SEPTIN4: variants seen among roughly 807,000 people sequenced by gnomAD.
The protein encoded by SEPTIN4 is septin 4.
In SEPTIN4, 52 loss-of-function variants were observed where a neutral mutation model predicts 107.1. The ratio of observed to expected loss-of-function variants is 0.49; its 90% confidence interval spans 0.39 to 0.61. The LOEUF (loss-of-function observed/expected upper bound fraction) is 0.61, where lower values mean the gene tolerates loss of function less well. Among genes scored for constraint, SEPTIN4 ranks in the 20% least tolerant of loss-of-function variants. The pLI, the probability that SEPTIN4 is intolerant of heterozygous loss-of-function variation, is 0.00. For missense variants in SEPTIN4, 1,048 were observed against 1,243.5 expected (o/e 0.84, Z 2.36); for synonymous variants, 417 against 467.0 (o/e 0.89, Z 1.38).
rs1473766003 is a variant in SEPTIN4, at chr17:58,538,191, T to G, written c.1614+2475A>C. On this transcript the variant is annotated intron_variant, in intron 3 of 13. Coordinates refer to ENST00000672673, the MANE Select transcript of SEPTIN4 (RefSeq NM_001368771.2). This position sits in a 1 kb window ranked among gnomAD's most constrained non-coding sequence, Gnocchi z 4.7. ...CCTGAGTTCCTCAGAGGCTTTGGAT[T>G]TCGCTTTGTAAAGGAAGCCAACCTG... 6.6e-6 allele frequency among the ~76,000 whole-genome samples: 1 copy of G among 152,202 alleles called. No individual in the cohort carries two copies. Among genetic ancestry groups the G allele is most frequent in the Non-Finnish European group, 1.5e-5 (1 of 68,034 alleles).
rs1366019500 is a variant in SEPTIN4 at position 58,543,874 on chromosome 17, T to G, written c.313A>C (p.Lys105Gln). Reference sequence around the variant, plus strand: ...GCCAGTGTCTGAGTCTTCTGGCTCTTTAGATGGGGAGAGGAATGGCGGGAT... The same window carrying G: ...GCCAGTGTCTGAGTCTTCTGGCTCTGTAGATGGGGAGAGGAATGGCGGGAT... ...ESSRHSSPHLKSQKTQTLASH... is the reference protein window; with the variant it reads ...ESSRHSSPHLQSQKTQTLASH... The change falls in exon 1 of 14, where the codon AAG (lysine) becomes CAG (glutamine). Residue 105 changes from lysine to glutamine, a missense_variant. Coordinates refer to ENST00000672673, the MANE Select transcript of SEPTIN4 (RefSeq NM_001368771.2). 6.2e-7 allele frequency: 1 copy of G among 1,614,074 alleles called. No individual in the cohort carries two copies. The highest frequency in any genetic ancestry group is 1.1e-5 in the South Asian group (1 of 91,066).
intron 4 of SEPTIN4, 153 bp downstream of exon 4, chr17:58,526,529 G>A (rs1008533308): frequency 3.1e-5 from 44 of 1,399,426 alleles, no homozygotes; most frequent in Non-Finnish European, 4.0e-5. Context: ...TTGGAGCTAG[G>A]GCTGACACAG....
chr17:58,526,352 C>T (rs1447106766), intron 4 of SEPTIN4, 39 bp from the exon 5 acceptor site: 1 of 1,477,258 alleles, frequency 6.8e-7, no homozygotes, highest in Admixed American at 2.4e-5. Context: ...CGGTGAGGAG[C>T]CAAAGGGGCC....
At chr17:58,532,178 T>C (rs1022170838) in intron 3 of SEPTIN4, 2 of 904,106 alleles carry the variant, frequency 2.2e-6, no homozygotes, top group African/African-American at 1.8e-5. Context: ...TGGGTCGGGG[T>C]GCCCAGCTGG....
At chr17:58,527,202 G>T in intron 3 of SEPTIN4, 1 of 847,534 alleles carries the variant, frequency 1.2e-6, no homozygotes, top group Non-Finnish European at 2.0e-6. Flanking sequence ...GGGTCCCAGG[G>T]TCCAGGAAGA....
At chr17:58,524,582 T>C (rs897208416) in intron 7 of SEPTIN4, 2 of 151,632 alleles carry the variant, frequency 1.3e-5, no homozygotes, top group Admixed American at 1.3e-4. Flanking sequence ...TTTTTTTTTT[T>C]TTTTTGGAAG....
Position 58,526,337 on chromosome 17 carries a change from C to T in SEPTIN4, c.1912-24G>A, listed in dbSNP as rs2144102409. Reference sequence around the variant, plus strand: ...TCCTAGTAGACAGGAAGGCAGAATGCATCACGGTGAGGAGCCAAAGGGGCC... The same window carrying T: ...TCCTAGTAGACAGGAAGGCAGAATGTATCACGGTGAGGAGCCAAAGGGGCC... On this transcript the variant is annotated intron_variant, in intron 4 of 13. Transcript: ENST00000672673. 3 of 1,521,726 alleles carry T rather than the reference C, an allele frequency of 2.0e-6. No homozygotes were observed. The East Asian group carries it at 7.3e-5, about 37-fold the overall frequency. 94.3% of individuals were successfully genotyped at this position (1,521,726 alleles called of 1,614,324 possible).
intron 7 of SEPTIN4, among the ~76,000 whole-genome samples, chr17:58,523,259 C>A (rs2042467574): frequency 6.6e-6 from 1 of 151,764 alleles, no homozygotes; most frequent in South Asian, 2.1e-4. Flanking sequence ...CCTGTAGTAC[C>A]AGCTACTTGG....
In SEPTIN4 at chr17:58,522,148, C is replaced by T. The variant is rs373732940; in HGVS notation, c.2217-47G>A. The T allele has an allele frequency of 2.5e-6, 4 of 1,610,292 alleles. No homozygotes were observed. In the African/African-American group the frequency reaches 4.0e-5, roughly 16 times the overall value. On this transcript the variant is annotated intron_variant, in intron 7 of 13. Coordinates refer to ENST00000672673, the MANE Select transcript of SEPTIN4 (RefSeq NM_001368771.2). ...AGAGAAACTGTGAGAGTGGGAGCCA[C>T]CTAGTGAGCTCTGGGACTACAGAGA...
At chr17:58,522,431 G>A (rs1244965982) in intron 7 of SEPTIN4, among the ~76,000 whole-genome samples, 1 of 151,926 alleles carries the variant, frequency 6.6e-6, no homozygotes, top group Non-Finnish European at 1.5e-5. Flanking sequence ...AGGCCGAGGC[G>A]GGTGGATCAC....
chr17:58,520,353 A>G lies in SEPTIN4; in HGVS notation c.*73T>C. 1 of 1,440,052 alleles carries G rather than the reference A, an allele frequency of 6.9e-7. No individual in the cohort carries two copies. Among genetic ancestry groups the G allele is most frequent in the South Asian group, 1.2e-5 (1 of 84,684 alleles). 89.2% of individuals were successfully genotyped at this position (1,440,052 alleles called of 1,614,324 possible). A position where few individuals can be genotyped will look rare whatever the true frequency, so the allele number is the denominator to read the frequency against. ...GCAGTAGCTGAAGGGGCCTGAGCAG[A>G]GCTGGTGCTGGGAGGGGCCGGCATG... On this transcript the variant is annotated 3_prime_UTR_variant, in exon 14 of 14. Coordinates refer to ENST00000672673, the MANE Select transcript of SEPTIN4 (RefSeq NM_001368771.2).
intron 3 of SEPTIN4, among the ~76,000 whole-genome samples, chr17:58,540,230 A>G (rs1287285266): frequency 6.6e-6 from 1 of 152,128 alleles, no homozygotes; most frequent in Non-Finnish European, 1.5e-5. Flanking sequence ...CAAGTTGAGG[A>G]CCCAAATAGT....
chr17:58,527,807 C>A (rs997095144), intron 3 of SEPTIN4: 9 of 983,190 alleles, frequency 9.2e-6, no homozygotes, highest in Non-Finnish European at 1.1e-5. Context: ...AGGGGAAGCA[C>A]CCTGAGTTGT....
rs1335789198 is a variant in SEPTIN4, at chr17:58,525,727, A to G, written c.2060T>C (p.Leu687Pro). The G allele has an allele frequency of 6.2e-7, 1 of 1,614,216 alleles. No homozygotes were observed. The highest frequency in any genetic ancestry group is 8.5e-7 in the Non-Finnish European group (1 of 1,180,034). ...TLVNSLFLTD[L>P]YRDRKLLGAE... ...ACCAAGAAGTTTCCGGTCCCGGTAC[A>G]GATCAGTGAGGAAGAGGCTATTGAC... Residue 687 changes from leucine (L) to proline (P), a missense_variant, in exon 6 of 14, where the codon CTG becomes CCG. Around this residue, in one of 2 missense-constraint regions of SEPTIN4, gnomAD observed 787 missense variants for 871.8 expected, o/e 0.90. Coordinates refer to ENST00000672673, the MANE Select transcript of SEPTIN4 (RefSeq NM_001368771.2).
At chr17:58,526,137 T>C (rs913441336) in intron 5 of SEPTIN4, 83 bp downstream of exon 5, 2 of 1,344,216 alleles carry the variant, frequency 1.5e-6, no homozygotes, top group African/African-American at 3.1e-5. Context: ...CCCTGCGACC[T>C]ATACTCCCTT....
At chr17:58,524,965 G>T in intron 7 of SEPTIN4, 113 bp downstream of exon 7, 1 of 1,406,334 alleles carries the variant, frequency 7.1e-7, no homozygotes, top group Non-Finnish European at 9.8e-7. Context: ...ACATGCTCAA[G>T]GTCATAGACC....
Position 58,540,652 on chromosome 17 carries a change from A to AG in SEPTIN4, c.1614+13dup. ...CCAGGAAGACTGGGAGTAACCTCCC[A>AG]GGGGCATTCTTACCTCCTCATCTGT... On this transcript the variant is annotated intron_variant, in intron 3 of 13. Transcript: ENST00000672673. The AG allele has an allele frequency of 1.5e-6, 2 of 1,360,424 alleles. No individual in the cohort carries two copies. The highest frequency in any genetic ancestry group is 1.9e-6 in the Non-Finnish European group (2 of 1,062,400). 84.3% of individuals were successfully genotyped at this position (1,360,424 alleles called of 1,614,324 possible).
intron 3 of SEPTIN4, chr17:58,529,465 A>G: frequency 7.6e-7 from 1 of 1,322,068 alleles, no homozygotes; most frequent in Non-Finnish European, 9.7e-7. Context: ...TCCTCCTCTG[A>G]TTGGCTGTCC....
intron 3 of SEPTIN4, among the ~76,000 whole-genome samples, chr17:58,534,761 G>A (rs746787836): frequency 3.9e-5 from 6 of 152,178 alleles, no homozygotes; most frequent in African/African-American, 1.2e-4. Context: ...CTTGGGCTCC[G>A]TTGCTTAGGT....
Sources: allele counts gnomAD v4.1 joint callset (sites outside exome capture counted in the v4.1 genomes callset), GRCh38; gene constraint gnomAD v4.1.1; regional missense constraint gnomAD v4.1.1; non-coding constraint Gnocchi (gnomAD v3.1); transcripts MANE v1.5; gene names NCBI Gene and HGNC (gene_info 2026-07-23, HGNC 2026-07-21).